CDH12: variants seen among roughly 807,000 people sequenced by gnomAD.
The protein encoded by CDH12 is cadherin 12.
Under a neutral mutation model 74.1 loss-of-function variants are expected in CDH12, and 41 were observed. The ratio of observed to expected loss-of-function variants is 0.55; its 90% CI spans 0.43 to 0.72. The LOEUF is 0.72. Among genes scored for constraint, CDH12 ranks in the 30% least tolerant of loss-of-function variants. The pLI, the probability that CDH12 is intolerant of heterozygous loss-of-function variation, is 0.00. For synonymous variants in CDH12, 399 were observed against 355.0 expected, an observed-to-expected ratio of 1.12 and a Z score of -1.39; for missense variants, 945 against 977.2, an observed-to-expected ratio of 0.97 and a Z score of 0.44.
intron 1 of CDH12, among the ~76,000 whole-genome samples, chr5:22,720,425 CT>C (rs1743820813): frequency 6.6e-6 from 1 of 152,122 alleles, no homozygotes; most frequent in Non-Finnish European, 1.5e-5. Flanking sequence ...AACTTCTTTT[CT>C]TTATAAATTA....
chr5:22,442,312 A>G (rs897415185), intron 2 of CDH12, among the ~76,000 whole-genome samples: 1 of 152,126 alleles, frequency 6.6e-6, no homozygotes. Flanking sequence ...TTTTAAAAGT[A>G]TGCTACTAAG....
intron 3 of CDH12, among the ~76,000 whole-genome samples, chr5:22,313,284 A>G (rs911633192): frequency 3.3e-5 from 5 of 152,216 alleles, no homozygotes; most frequent in Admixed American, 2.0e-4. Flanking sequence ...TTGAGAAGAG[A>G]GAAAGTGCCA....
intron 6 of CDH12, among the ~76,000 whole-genome samples, chr5:21,970,870 A>AAAAAG (rs1561337706): frequency 1.9e-4 from 28 of 144,680 alleles, no homozygotes; most frequent in African/African-American, 7.2e-4. Context: ...AAAAAAAAAA[A>AAAAAG]AAAAGAAAAA....
chr5:21,960,481 A>G (rs1409162705), intron 6 of CDH12, among the ~76,000 whole-genome samples: 4 of 152,208 alleles, frequency 2.6e-5, no homozygotes, highest in Admixed American at 2.0e-4. Context: ...ACAAACCTCA[A>G]TTGAGCGTGG....
intron 1 of CDH12, among the ~76,000 whole-genome samples, chr5:22,766,109 A>G (rs1437274430): frequency 6.6e-6 from 1 of 152,006 alleles, no homozygotes; most frequent in Non-Finnish European, 1.5e-5. Flanking sequence ...CAAAATAATC[A>G]TCTGATTTTC....
At chr5:22,031,917 C>T (rs1056348242) in intron 5 of CDH12, among the ~76,000 whole-genome samples, 2 of 150,406 alleles carry the variant, frequency 1.3e-5, no homozygotes, top group African/African-American at 4.8e-5. Flanking sequence ...ATTACCAAAA[C>T]GTGACACAAA....
intron 6 of CDH12, among the ~76,000 whole-genome samples, chr5:21,880,772 T>C (rs1752312036): frequency 1.3e-5 from 2 of 151,330 alleles, no homozygotes; most frequent in South Asian, 4.2e-4. Flanking sequence ...TTGTGACGTC[T>C]AATAGAAAGT....
chr5:22,382,394 A>G (rs1391876632), intron 3 of CDH12, among the ~76,000 whole-genome samples: 2 of 151,518 alleles, frequency 1.3e-5, no homozygotes, highest in African/African-American at 4.9e-5. Context: ...TCACTTCCCT[A>G]CCAGAGGCAC....
intron 1 of CDH12, among the ~76,000 whole-genome samples, chr5:22,823,220 C>T (rs907071233): frequency 6.5e-5 from 8 of 123,490 alleles, no homozygotes; most frequent in African/African-American, 2.2e-4. Flanking sequence ...ACATCACACT[C>T]CGGGGACTGT....
chr5:22,297,474 C>T (rs927589045), intron 3 of CDH12, among the ~76,000 whole-genome samples: 5 of 152,138 alleles, frequency 3.3e-5, no homozygotes, highest in Non-Finnish European at 5.9e-5. Context: ...ATGCTGATAT[C>T]TGATTAGAGT....
At chr5:21,903,526 G>C (rs920004602) in intron 6 of CDH12, among the ~76,000 whole-genome samples, 1 of 152,150 alleles carries the variant, frequency 6.6e-6, no homozygotes, top group Middle Eastern at 3.4e-3. Context: ...AGGGGGAAAA[G>C]AGTGTCTTGG....
intron 8 of CDH12, among the ~76,000 whole-genome samples, chr5:21,835,212 A>AT (rs1160890458): frequency 1.3e-5 from 2 of 151,926 alleles, no homozygotes; most frequent in African/African-American, 4.8e-5. Context: ...CTGGACTCAA[A>AT]TAACAGGAAA....
intron 2 of CDH12, among the ~76,000 whole-genome samples, chr5:22,409,717 T>C (rs975950124): frequency 8.5e-5 from 13 of 152,202 alleles, no homozygotes; most frequent in African/African-American, 3.1e-4. Flanking sequence ...ATTTCAGTGG[T>C]GTGATGAGAT....
At chr5:21,823,145 G>T (rs1386391528) in intron 8 of CDH12, among the ~76,000 whole-genome samples, 1 of 151,990 alleles carries the variant, frequency 6.6e-6, no homozygotes, top group East Asian at 1.9e-4. Context: ...TAGTGGGAGA[G>T]AAGTCAATTA....
At chr5:22,556,669 A>C (rs2126742064) in intron 1 of CDH12, among the ~76,000 whole-genome samples, 1 of 152,232 alleles carries the variant, frequency 6.6e-6, no homozygotes, top group African/African-American at 2.4e-5. Flanking sequence ...ATTTTTTATC[A>C]GAGAATAAAG....
chr5:22,311,431 G>A (rs761715431), intron 3 of CDH12, among the ~76,000 whole-genome samples: 7 of 152,090 alleles, frequency 4.6e-5, no homozygotes, highest in Non-Finnish European at 1.0e-4. Context: ...TGGGCCGGGC[G>A]CGGTGGCTCA....
At chr5:22,375,622 A>G (rs1014040091) in intron 3 of CDH12, among the ~76,000 whole-genome samples, 1 of 152,150 alleles carries the variant, frequency 6.6e-6, no homozygotes, top group Non-Finnish European at 1.5e-5. Context: ...ATAATTCAAA[A>G]GTGGGCAAAG....
intron 2 of CDH12, among the ~76,000 whole-genome samples, chr5:22,452,960 A>G (rs563397321): frequency 6.6e-6 from 1 of 151,684 alleles, no homozygotes; most frequent in Admixed American, 6.6e-5. Flanking sequence ...AGGCATAAAA[A>G]TAGCCAAAAG....
intron 2 of CDH12, among the ~76,000 whole-genome samples, chr5:22,460,588 T>C (rs1745457915): frequency 1.3e-5 from 2 of 152,124 alleles, no homozygotes. Context: ...ATAGCAGAGA[T>C]GTTTAAGAAG....
Sources: gnomAD v4.1 joint callset for allele counts (sites outside exome capture counted in the v4.1 genomes callset) on GRCh38, gnomAD v4.1.1 for gene constraint, MANE v1.5 for transcripts, NCBI Gene and HGNC (gene_info 2026-07-23, HGNC 2026-07-21) for gene names.